PTPRO: variants seen among roughly 807,000 people sequenced by gnomAD.
PTPRO encodes protein tyrosine phosphatase receptor type O, also known as receptor-type tyrosine-protein phosphatase O.
Under a neutral mutation model 145.2 loss-of-function variants are expected in PTPRO, and 62 were observed. The ratio of observed to expected loss-of-function variants is 0.43; its 90% CI spans 0.35 to 0.53. PTPRO has a LOEUF of 0.53. Among genes scored for constraint, PTPRO ranks in the 20% least tolerant of loss-of-function variants. The probability of loss-of-function intolerance (pLI) is 0.01; values close to 1 mark genes in which losing one functional copy is unlikely to be tolerated. For missense variants in PTPRO, 1,345 were observed against 1,482.7 expected (o/e 0.91, Z 1.53); for synonymous variants, 565 against 514.7 (o/e 1.10, Z -1.32).
At chr12:15,397,439 C>A (rs955142835) in intron 1 of PTPRO, among the ~76,000 whole-genome samples, 4 of 152,126 alleles carry the variant, frequency 2.6e-5, no homozygotes, top group Admixed American at 2.0e-4. Flanking sequence ...AAAGCCCCTA[C>A]TTTGGACTGA....
chr12:15,486,500 T>C (rs1325925168), intron 2 of PTPRO, among the ~76,000 whole-genome samples: 1 of 152,266 alleles, frequency 6.6e-6, no homozygotes, highest in South Asian at 2.1e-4. Flanking sequence ...AAAATCTTTG[T>C]CTTTTAACTG....
chr12:15,380,118 G>A (rs1468151660), intron 1 of PTPRO, among the ~76,000 whole-genome samples: 1 of 152,056 alleles, frequency 6.6e-6, no homozygotes, highest in Non-Finnish European at 1.5e-5. Context: ...CCTTAAACAA[G>A]TTACTTGAAT....
intron 1 of PTPRO, among the ~76,000 whole-genome samples, chr12:15,403,370 G>A (rs1939553757): frequency 6.6e-6 from 1 of 152,096 alleles, no homozygotes; most frequent in African/African-American, 2.4e-5. Flanking sequence ...ATCACCTGAG[G>A]TCAGGAGTTC....
At position 15,527,952 on chromosome 12, in the gene PTPRO, C is replaced by T. The variant is rs1942877258; in HGVS notation, c.2164+1690C>T. 2.1e-5 allele frequency among the ~76,000 whole-genome samples: 3 copies of T among 140,836 alleles called. 1 individual carries two copies. In the South Asian group the frequency reaches 6.7e-4, roughly 32 times the overall value. 92.4% of individuals were successfully genotyped at this position (140,836 alleles called of 152,430 possible). A position where few individuals can be genotyped will look rare whatever the true frequency, so the allele number is the denominator to read the frequency against. ...CTAACAAGATGGTGATCTGTGAGCT[C>T]TCTGAACAAGAATTCAAAATACAGT... is the stretch of plus-strand genomic sequence containing the variant. On this transcript the variant is annotated intron_variant, in intron 12 of 26. Transcript: ENST00000281171.
At chr12:15,331,103 C>T (rs1049051239) in intron 1 of PTPRO, among the ~76,000 whole-genome samples, 2 of 152,036 alleles carry the variant, frequency 1.3e-5, no homozygotes, top group South Asian at 2.1e-4. Flanking sequence ...TGAGAGGCAC[C>T]GATTGTTAAT....
At chr12:15,520,375 T>A (rs1278448518) in intron 10 of PTPRO, 63 bp downstream of exon 10, 3 of 1,289,866 alleles carry the variant, frequency 2.3e-6, no homozygotes, top group Non-Finnish European at 3.4e-6. Context: ...GTTACCAAGG[T>A]TCCAAATCTC....
rs537851255 is a variant in PTPRO at position 15,353,298 on chromosome 12, G to A, written c.75+30497G>A. 1.6e-4 allele frequency among the ~76,000 whole-genome samples: 24 copies of A among 151,968 alleles called. 2 individuals are homozygous for A. The South Asian group carries it at 5.0e-3, about 32-fold the overall frequency. On this transcript the variant is annotated intron_variant, in intron 1 of 26. Transcript: ENST00000281171. Reference sequence around the variant, plus strand: ...AATTAAAGATAAAAATTAAAAAGATGAACTTGTTTTTCAACATATCATCAA... The same window carrying A: ...AATTAAAGATAAAAATTAAAAAGATAAACTTGTTTTTCAACATATCATCAA...
At chr12:15,486,967 G>A (rs1314805052) in intron 2 of PTPRO, among the ~76,000 whole-genome samples, 4 of 152,168 alleles carry the variant, frequency 2.6e-5, no homozygotes, top group East Asian at 1.9e-4. Flanking sequence ...GACACCTTTC[G>A]TTCATCACAG....
Position 15,415,551 on chromosome 12 carries a change from A to AT in PTPRO, c.76-68417dup, listed in dbSNP as rs768069428. Reference sequence around the variant, plus strand: ...AGGCACCTGCCACCACACCCGGCTAATTTTTTGTATTTTTAGTAGAGACGG... The same window carrying AT: ...AGGCACCTGCCACCACACCCGGCTAATTTTTTTGTATTTTTAGTAGAGACGG... On this transcript the variant is annotated intron_variant, in intron 1 of 26. Coordinates refer to ENST00000281171, the MANE Select transcript of PTPRO (RefSeq NM_030667.3). Among the ~76,000 whole-genome samples the AT allele has an allele frequency of 7.4e-5, 11 of 147,936 alleles. No individual in the cohort carries two copies. In the South Asian group the frequency reaches 1.0e-3, roughly 14 times the overall value.
chr12:15,331,956 TTC>T (rs1866621026), intron 1 of PTPRO, among the ~76,000 whole-genome samples: 2 of 144,946 alleles, frequency 1.4e-5, no homozygotes, highest in African/African-American at 5.0e-5. Context: ...TTGTTTCTCT[TTC>T]TTTCTTTTTT....
intron 15 of PTPRO, among the ~76,000 whole-genome samples, chr12:15,554,491 C>A (rs545726174): frequency 6.6e-6 from 1 of 151,836 alleles, no homozygotes; most frequent in African/African-American, 2.4e-5. Flanking sequence ...TTAACTTCCA[C>A]GATCACAAGG....
chr12:15,586,408 G>A (rs1437256476), intron 23 of PTPRO, among the ~76,000 whole-genome samples: 2 of 152,168 alleles, frequency 1.3e-5, no homozygotes, highest in African/African-American at 4.8e-5. Context: ...TTAGCTGTGG[G>A]CTTCCCTCAG....
At chr12:15,486,953 A>G (rs535478475) in intron 2 of PTPRO, among the ~76,000 whole-genome samples, 10 of 152,232 alleles carry the variant, frequency 6.6e-5, no homozygotes, top group Non-Finnish European at 1.2e-4. Context: ...GGTTTAAGGT[A>G]TTAGACACCT....
chr12:15,391,742 T>C (rs953150351), intron 1 of PTPRO, among the ~76,000 whole-genome samples: 1 of 152,238 alleles, frequency 6.6e-6, no homozygotes, highest in African/African-American at 2.4e-5. Flanking sequence ...GGTTCCACTT[T>C]GTCTTCTGGT....
chr12:15,580,140 A>G, intron 21 of PTPRO, 25 bp downstream of exon 21: 8 of 1,563,892 alleles, frequency 5.1e-6, no homozygotes, highest in Non-Finnish European at 7.0e-6. Flanking sequence ...AAAATCAGGC[A>G]TCCCAAAGCT....
chr12:15,364,472 C>T (rs1232796244), intron 1 of PTPRO, among the ~76,000 whole-genome samples: 1 of 152,142 alleles, frequency 6.6e-6, no homozygotes, highest in Non-Finnish European at 1.5e-5. Flanking sequence ...TCCAAAACCT[C>T]ATTTATCAAC....
At chr12:15,324,373 G>T (rs1352532069) in intron 1 of PTPRO, among the ~76,000 whole-genome samples, 1 of 152,144 alleles carries the variant, frequency 6.6e-6, no homozygotes, top group Non-Finnish European at 1.5e-5. Flanking sequence ...GGTTGGGAGT[G>T]GGGGTAAGGT....
intron 1 of PTPRO, among the ~76,000 whole-genome samples, chr12:15,347,039 A>G (rs1867244514): frequency 6.6e-6 from 1 of 151,928 alleles, no homozygotes. Context: ...TCCTAACTCT[A>G]CACTCTCCCC....
intron 1 of PTPRO, among the ~76,000 whole-genome samples, chr12:15,440,601 C>A (rs1458453743): frequency 1.3e-5 from 2 of 152,062 alleles, no homozygotes; most frequent in African/African-American, 4.8e-5. Flanking sequence ...TGGCTCACAC[C>A]TCTAATCCCA....
Sources: allele counts gnomAD v4.1 joint callset (sites outside exome capture counted in the v4.1 genomes callset), GRCh38; gene constraint gnomAD v4.1.1; transcripts MANE v1.5; gene names NCBI Gene and HGNC (gene_info 2026-07-23, HGNC 2026-07-21).